The following TPTE2 variants were observed in gnomAD, a reference collection of about 807,000 sequenced individuals.
TPTE2 encodes phosphatidylinositol 3,4,5-trisphosphate 3-phosphatase TPTE2.
A neutral mutation model predicts 78.6 loss-of-function variants in TPTE2; 53 were observed. That is an observed-to-expected ratio of 0.67 (90% CI 0.54 to 0.85). TPTE2 has a LOEUF of 0.85. TPTE2 is among the 40% of genes least tolerant of loss of function. The pLI is 0.00. For synonymous variants in TPTE2, 175 were observed against 206.2 expected (o/e 0.85, Z 1.30); for missense variants, 461 against 623.0 (o/e 0.74, Z 2.77).
intron 1 of TPTE2, among the ~76,000 whole-genome samples, chr13:19,522,448 G>T (rs1323185079): frequency 1.3e-5 from 2 of 152,102 alleles, no homozygotes; most frequent in African/African-American, 4.8e-5. Flanking sequence ...GCTGTCAAAA[G>T]CTGCAAAAGT....
At position 19,450,326 on chromosome 13, in the gene TPTE2, G is replaced by T. The variant is rs564469345; in HGVS notation, c.821C>A (p.Pro274His). 3.1e-6 allele frequency: 5 copies of T among 1,610,674 alleles called. No individual in the cohort carries two copies. Among genetic ancestry groups the T allele is most frequent in the South Asian group, 1.1e-5 (1 of 90,866 alleles). ...ACTGACCCTATTATGGAAGTGCTTA[G>T]GATCATAAGCTCTTTCACCTAAAAT... The change falls in exon 12 of 20, where the codon CCT becomes CAT. Residue 274 changes from proline to histidine, a missense_variant. By Grantham distance (77) the Pro-to-His change is moderately conservative. Coordinates refer to ENST00000400230, the Ensembl canonical transcript of TPTE2.
chr13:19,493,487 T>C, exon 2 of TPTE2: 2 of 1,613,844 alleles, frequency 1.2e-6, no homozygotes, highest in Non-Finnish European at 1.7e-6. Context: ...TCCTTTAAAT[T>C]CGTTTGTCTG....
intron 13 of TPTE2, among the ~76,000 whole-genome samples, chr13:19,440,044 T>G (rs1877388191): frequency 6.6e-6 from 1 of 152,108 alleles, no homozygotes; most frequent in African/African-American, 2.4e-5. Flanking sequence ...ATGGAATAAT[T>G]CGAGAAAATT....
the TPTE2 span, chr13:19,552,426 A>T: frequency 2.7e-6 from 1 of 369,786 alleles, no homozygotes; most frequent in Non-Finnish European, 4.8e-6. Flanking sequence ...TTTTAAAAAA[A>T]CCTTGTCAGA....
chr13:19,430,720 C>A (rs368952938), intron 16 of TPTE2, among the ~76,000 whole-genome samples, 173 bp from the exon 20 acceptor site: 4 of 152,278 alleles, frequency 2.6e-5, no homozygotes, highest in African/African-American at 9.6e-5. Context: ...AGGCTTCAAG[C>A]CCATTTCTGT....
At chr13:19,484,191 A>G (rs1412607843) in intron 3 of TPTE2, among the ~76,000 whole-genome samples, 1 of 152,082 alleles carries the variant, frequency 6.6e-6, no homozygotes, top group African/African-American at 2.4e-5. Flanking sequence ...GGAATTCTTA[A>G]ATTTCATTGT....
rs1566031745 is a variant in TPTE2 at position 19,423,174 on chromosome 13, G to A, written c.1467-10C>T. 32 of 1,508,178 alleles carry A rather than the reference G, an allele frequency of 2.1e-5. No homozygotes were observed. The highest frequency in any genetic ancestry group is 1.2e-4 in the Admixed American group (6 of 50,068). The allele number at this position is 1,508,178 out of a possible 1,614,324, so 93.4% of individuals were successfully genotyped here. A position where few individuals can be genotyped will look rare whatever the true frequency, so the allele number is the denominator to read the frequency against. On this transcript the variant is annotated splice_polypyrimidine_tract_variant and intron_variant, in intron 19 of 19. Coordinates refer to ENST00000400230, the Ensembl canonical transcript of TPTE2. ...TCTTGGTAGACAAAGCCTAAGAATAGAAAAAAAAAATTACATTTTATATTG... is the reference window on the plus strand; with the variant it reads ...TCTTGGTAGACAAAGCCTAAGAATAAAAAAAAAAAATTACATTTTATATTG...
rs182523292 is a variant in TPTE2, at chr13:19,514,714, T to C, written c.-43-11437A>G. ...TGAATGTTTCTATATCAATGGCTAGTTCCCGGTCACCCTTGGTAGGAAATA... is the reference window on the plus strand; with the variant it reads ...TGAATGTTTCTATATCAATGGCTAGCTCCCGGTCACCCTTGGTAGGAAATA... On this transcript the variant is annotated intron_variant, in intron 1 of 17. Transcript: ENST00000390680. Among the ~76,000 whole-genome samples, 18 of 151,544 alleles carry C rather than the reference T, an allele frequency of 1.2e-4. No individual in the cohort carries two copies. In the East Asian group the frequency reaches 2.0e-3, roughly 17 times the overall value.
intron 4 of TPTE2, among the ~76,000 whole-genome samples, chr13:19,479,960 C>CA (rs751162446): frequency 0.025 from 1,690 of 66,714 alleles, 21 homozygotes; most frequent in African/African-American, 0.078. Context: ...GACTCCGGCT[C>CA]AAAAAAAAAA....
intron 1 of TPTE2, among the ~76,000 whole-genome samples, chr13:19,533,355 G>C (rs879298580): frequency 3.3e-5 from 5 of 152,162 alleles, no homozygotes; most frequent in Non-Finnish European, 5.9e-5. Context: ...GCAAAAGCAA[G>C]AGTTCACAAA....
At chr13:19,533,049 A>T (rs1566080084) in intron 1 of TPTE2, among the ~76,000 whole-genome samples, 2 of 152,236 alleles carry the variant, frequency 1.3e-5, no homozygotes, top group Non-Finnish European at 2.9e-5. Flanking sequence ...TTAACAAATT[A>T]ATGAATGAGT....
Position 19,439,445 on chromosome 13 carries a change from G to A in TPTE2, c.974-1292C>T, listed in dbSNP as rs1295631920. On this transcript the variant is annotated intron_variant, in intron 13 of 19. Transcript: ENST00000400230. ...GAAAAAAATAACAATAATATTATAG[G>A]AAAGGAAAGAAAAAGAAAAATCCTA... 2.0e-4 allele frequency among the ~76,000 whole-genome samples: 31 copies of A among 152,020 alleles called. No individual in the cohort carries two copies. In the East Asian group the frequency reaches 3.7e-3, roughly 18 times the overall value.
At chr13:19,480,949 C>G (rs1181682492) in intron 4 of TPTE2, among the ~76,000 whole-genome samples, 3 of 151,694 alleles carry the variant, frequency 2.0e-5, no homozygotes, top group African/African-American at 7.3e-5. Flanking sequence ...TCAGCAATAT[C>G]TGACTATTAA....
At chr13:19,439,290 A>T (rs554587204) in intron 13 of TPTE2, among the ~76,000 whole-genome samples, 2 of 152,042 alleles carry the variant, frequency 1.3e-5, no homozygotes, top group East Asian at 3.9e-4. Flanking sequence ...CTACTGGCTC[A>T]TAGGTCAAAC....
chr13:19,547,103 T>C, the TPTE2 span, among the ~76,000 whole-genome samples: 9 of 142,028 alleles, frequency 6.3e-5, no homozygotes, highest in Non-Finnish European at 1.1e-4. Flanking sequence ...AAAAAAAAGA[T>C]CACATACAAT....
intron 13 of TPTE2, among the ~76,000 whole-genome samples, chr13:19,446,609 A>G (rs1370045820): frequency 3.9e-5 from 6 of 152,216 alleles, no homozygotes; most frequent in Non-Finnish European, 5.9e-5. Flanking sequence ...TGAAATACAT[A>G]CACACACATA....
intron 13 of TPTE2, among the ~76,000 whole-genome samples, chr13:19,446,076 TA>T (rs576769824): frequency 2.7e-4 from 41 of 152,274 alleles, no homozygotes; most frequent in African/African-American, 6.3e-4. Flanking sequence ...AAAGACATGA[TA>T]AAAAAAGTAT....
At chr13:19,441,618 T>G (rs1051475350) in intron 13 of TPTE2, among the ~76,000 whole-genome samples, 2 of 152,178 alleles carry the variant, frequency 1.3e-5, no homozygotes, top group Non-Finnish European at 2.9e-5. Context: ...AGCCTGCACC[T>G]GTGACTTTAA....
upstream of TPTE2, among the ~76,000 whole-genome samples, chr13:19,537,841 G>A (rs1237614033): frequency 1.3e-5 from 2 of 152,000 alleles, no homozygotes; most frequent in Non-Finnish European, 2.9e-5. Context: ...CTGACCTCAG[G>A]TGATCCACCT....
Sources: gnomAD v4.1 joint callset for allele counts (sites outside exome capture counted in the v4.1 genomes callset) on GRCh38, gnomAD v4.1.1 for gene constraint, MANE v1.5 for transcripts, NCBI Gene and HGNC (gene_info 2026-07-23, HGNC 2026-07-21) for gene names.